LCORL: variants seen among roughly 807,000 people sequenced by gnomAD.
The protein encoded by LCORL is ligand-dependent nuclear receptor corepressor-like protein.
Under a neutral mutation model 141.8 loss-of-function variants are expected in LCORL, and 41 were observed. That is an observed-to-expected ratio of 0.29 (90% CI 0.23 to 0.38). The LOEUF is 0.38. Ranked by LOEUF, LCORL falls within the 10% of genes least tolerant of loss-of-function variation. LCORL has a pLI of 1.00. For missense variants in LCORL, 1,759 were observed against 2,035.0 expected (o/e 0.86, Z 2.61); for synonymous variants, 618 against 694.1 (o/e 0.89, Z 1.72).
chr4:17,891,076 G>T (rs942141707), intron 5 of LCORL, among the ~76,000 whole-genome samples: 12 of 152,036 alleles, frequency 7.9e-5, no homozygotes, highest in Admixed American at 3.9e-4. Context: ...GAAAATATTA[G>T]TAACTTACAT....
At chr4:17,923,344 T>C (rs191976738) in intron 4 of LCORL, among the ~76,000 whole-genome samples, 104 of 152,288 alleles carry the variant, frequency 6.8e-4, no homozygotes, top group African/African-American at 2.4e-3. Flanking sequence ...AGCTGAAATA[T>C]GGATTAAATA....
intron 7 of LCORL, among the ~76,000 whole-genome samples, chr4:17,848,578 G>A (rs1166106487): frequency 6.6e-6 from 1 of 152,210 alleles, no homozygotes; most frequent in Non-Finnish European, 1.5e-5. Context: ...AACAGCTCAG[G>A]TCTACAGCTC....
exon 8 of LCORL, chr4:17,842,561 C>A: frequency 1.8e-6 from 1 of 548,366 alleles, no homozygotes; most frequent in Non-Finnish European, 3.3e-6. Context: ...CTTCTTACGG[C>A]GTGTTTGCTT....
At chr4:17,967,498 C>G (rs1022439865) in intron 2 of LCORL, among the ~76,000 whole-genome samples, 1 of 152,120 alleles carries the variant, frequency 6.6e-6, no homozygotes, top group Non-Finnish European at 1.5e-5. Context: ...TACATGGAAA[C>G]TCTCTGTACT....
chr4:17,940,046 C>T (rs1370523363), intron 4 of LCORL, among the ~76,000 whole-genome samples: 2 of 148,338 alleles, frequency 1.3e-5, no homozygotes. Flanking sequence ...CATATATATA[C>T]ACACTATACG....
exon 8 of LCORL, chr4:17,842,461 GA>G: frequency 9.7e-7 from 1 of 1,031,930 alleles, no homozygotes; most frequent in Non-Finnish European, 1.5e-6. Context: ...ATTTTCTTGC[GA>G]ATGAGAGAGA....
chr4:17,876,271 T>A lies in LCORL; in HGVS notation c.2719A>T (p.Ser907Cys), dbSNP rs977061368. The A allele has an allele frequency of 4.9e-6, 6 of 1,230,930 alleles. No individual in the cohort carries two copies. The African/African-American group carries it at 9.3e-5, about 19-fold the overall frequency. 76.3% of individuals were successfully genotyped at this position (1,230,930 alleles called of 1,614,324 possible). Residue 907 changes from serine to cysteine, a missense_variant, in exon 7 of 8, where the codon AGT becomes TGT. By Grantham distance (112) the Ser-to-Cys change is moderately radical. Transcript: ENST00000635767. ...AAATCCACTGTAGGCATGCAGTGAC[T>A]ATTGATAATATTGCCGGATGCTACC... is the stretch of plus-strand genomic sequence containing the variant.
chr4:17,958,451 A>G (rs992275408), intron 4 of LCORL, among the ~76,000 whole-genome samples: 2 of 152,002 alleles, frequency 1.3e-5, no homozygotes, highest in African/African-American at 4.8e-5. Flanking sequence ...CTGAATCATA[A>G]GCCAGTGACT....
intron 1 of LCORL, among the ~76,000 whole-genome samples, chr4:17,982,627 T>C (rs1171441603): frequency 6.6e-6 from 1 of 152,204 alleles, no homozygotes; most frequent in African/African-American, 2.4e-5. Context: ...GAAATTTTTT[T>C]TCTTGTAAAT....
At chr4:17,931,529 T>C (rs550128381) in intron 4 of LCORL, among the ~76,000 whole-genome samples, 1 of 152,212 alleles carries the variant, frequency 6.6e-6, no homozygotes, top group South Asian at 2.1e-4. Context: ...TCATTATCAA[T>C]ATTTTGAAGA....
intron 5 of LCORL, among the ~76,000 whole-genome samples, chr4:17,903,323 T>C (rs1157600137): frequency 6.6e-6 from 1 of 152,098 alleles, no homozygotes; most frequent in African/African-American, 2.4e-5. Flanking sequence ...CAGAAGACTG[T>C]ATTAACAAAG....
intron 1 of LCORL, among the ~76,000 whole-genome samples, chr4:17,981,432 G>A (rs34156351): frequency 0.23 from 34,844 of 151,964 alleles, 4,956 homozygotes; most frequent in African/African-American, 0.4. Context: ...CTCTATTACT[G>A]AGTTTCAGTA....
chr4:17,904,764 C>A (rs964030210), intron 5 of LCORL, among the ~76,000 whole-genome samples: 4 of 152,114 alleles, frequency 2.6e-5, no homozygotes, highest in South Asian at 2.1e-4. Flanking sequence ...GCCAATAGCA[C>A]CCTGTTTTAA....
chr4:17,912,374 A>G (rs766573564), intron 4 of LCORL: 154 of 654,874 alleles, frequency 2.4e-4, no homozygotes, highest in Middle Eastern at 2.0e-3. Flanking sequence ...CTACAAGCCC[A>G]GATTGCCAGC....
At position 17,954,525 on chromosome 4, in the gene LCORL, A is replaced by G. The variant is rs186939905; in HGVS notation, c.430+7378T>C. On this transcript the variant is annotated intron_variant, in intron 4 of 7. Transcript: ENST00000635767. ...ACTAAATGTTTTTGGACAGAGGAATAATGATCTGGTTGAGGCTTTAGAAAC... is the reference window on the plus strand; with the variant it reads ...ACTAAATGTTTTTGGACAGAGGAATGATGATCTGGTTGAGGCTTTAGAAAC... Among the ~76,000 whole-genome samples, 203 of 152,338 alleles carry G rather than the reference A, an allele frequency of 1.3e-3. 1 individual carries two copies. The highest frequency in any genetic ancestry group is 2.2e-3 in the Admixed American group (33 of 15,310).
intron 1 of LCORL, among the ~76,000 whole-genome samples, chr4:18,004,695 C>A (rs568764369): frequency 2.6e-5 from 4 of 152,272 alleles, no homozygotes; most frequent in Admixed American, 1.3e-4. Context: ...TCCCAGCAGT[C>A]CCCCCGCAAA....
chr4:17,866,481 T>C (rs1473088939), intron 7 of LCORL, among the ~76,000 whole-genome samples: 2 of 152,168 alleles, frequency 1.3e-5, no homozygotes, highest in Admixed American at 6.5e-5. Context: ...CAAACACTTT[T>C]GAATAAATAA....
At chr4:17,902,611 G>A (rs560940654) in intron 5 of LCORL, among the ~76,000 whole-genome samples, 14 of 152,042 alleles carry the variant, frequency 9.2e-5, no homozygotes, top group African/African-American at 1.9e-4. Context: ...AAAACTATAC[G>A]TGACTCTCTT....
intron 1 of LCORL, among the ~76,000 whole-genome samples, chr4:17,995,522 AAG>A (rs1226409433): frequency 1.3e-5 from 2 of 152,304 alleles, no homozygotes; most frequent in East Asian, 3.9e-4. Flanking sequence ...TAGATACTAA[AAG>A]AGAAAAATCC....
Sources: allele counts gnomAD v4.1 joint callset (sites outside exome capture counted in the v4.1 genomes callset), GRCh38; gene constraint gnomAD v4.1.1; transcripts MANE v1.5; gene names NCBI Gene and HGNC (gene_info 2026-07-23, HGNC 2026-07-21).